The following GDAP1 variants were observed in gnomAD, a reference collection of about 807,000 sequenced individuals.
GDAP1 encodes the protein ganglioside induced differentiation associated protein 1.
Under a neutral mutation model 40.1 loss-of-function variants are expected in GDAP1, and 34 were observed. The ratio of observed to expected loss-of-function variants is 0.85; its 90% confidence interval spans 0.64 to 1.13. The LOEUF (loss-of-function observed/expected upper bound fraction) is 1.13. Among genes scored for constraint, GDAP1 ranks in the 50% most tolerant of loss-of-function variants. The pLI is 0.00. For synonymous variants in GDAP1, 170 were observed against 157.4 expected, an observed-to-expected ratio of 1.08 and a Z score of -0.60; for missense variants, 374 against 433.7, an observed-to-expected ratio of 0.86 and a Z score of 1.22.
chr8:74,438,141 G>A (rs949353721), intron 2 of GDAP1, among the ~76,000 whole-genome samples: 5 of 152,080 alleles, frequency 3.3e-5, no homozygotes, highest in Non-Finnish European at 7.4e-5. Context: ...ATGGTGGCGC[G>A]CGCCTGTAGT....
intron 2 of GDAP1, among the ~76,000 whole-genome samples, chr8:74,403,622 A>G (rs7819394): frequency 0.48 from 71,811 of 149,856 alleles, 18,698 homozygotes; most frequent in East Asian, 0.6. Context: ...CAGTAAAAGT[A>G]TATGGATTAT....
intron 2 of GDAP1, among the ~76,000 whole-genome samples, chr8:74,358,983 C>A (rs73345382): frequency 6.6e-6 from 1 of 152,248 alleles, no homozygotes; most frequent in East Asian, 1.9e-4. Context: ...AGTTATTAGA[C>A]CTGACATTTT....
At chr8:74,370,090 A>C (rs1452019533), downstream of GDAP1, among the ~76,000 whole-genome samples, 3 of 152,246 alleles carry the variant, frequency 2.0e-5, no homozygotes, top group Non-Finnish European at 2.9e-5. Context: ...CCATTTTCAG[A>C]CTGATGGAGA....
intron 2 of GDAP1, among the ~76,000 whole-genome samples, chr8:74,378,167 C>G (rs1809890124): frequency 6.6e-6 from 1 of 152,196 alleles, no homozygotes; most frequent in South Asian, 2.1e-4. Flanking sequence ...GAAAGAAAAA[C>G]TGTGCTGGTC....
At chr8:74,425,050 A>G (rs895746365) in intron 2 of GDAP1, among the ~76,000 whole-genome samples, 3 of 152,216 alleles carry the variant, frequency 2.0e-5, no homozygotes, top group African/African-American at 7.2e-5. Context: ...TACTCACAGC[A>G]GCTGCAGTAT....
intron 4 of GDAP1, among the ~76,000 whole-genome samples, chr8:74,362,437 A>G (rs745754712): frequency 6.6e-6 from 1 of 152,142 alleles, no homozygotes; most frequent in Non-Finnish European, 1.5e-5. Flanking sequence ...AGAAAACAGC[A>G]GCACTCCCAA....
downstream of GDAP1, among the ~76,000 whole-genome samples, chr8:74,371,568 G>A (rs1586812152): frequency 6.6e-6 from 1 of 151,716 alleles, no homozygotes; most frequent in East Asian, 1.9e-4. Flanking sequence ...GCTGAGGCAG[G>A]AGAATGGCGT....
chr8:74,362,883 A>AT, intron 4 of GDAP1, 56 bp from the exon 5 acceptor site: 13 of 720,906 alleles, frequency 1.8e-5, no homozygotes, highest in South Asian at 4.1e-5. Context: ...ACCTAGATTT[A>AT]TTTTTTTTAA....
At chr8:74,387,232 TGA>T (rs1810038791) in intron 2 of GDAP1, among the ~76,000 whole-genome samples, 1 of 152,352 alleles carries the variant, frequency 6.6e-6, no homozygotes, top group African/African-American at 2.4e-5. Flanking sequence ...ATAGGAGTGG[TGA>T]GAGAGGGCAT....
At chr8:74,419,194 C>T (rs907562176) in intron 2 of GDAP1, among the ~76,000 whole-genome samples, 1 of 152,142 alleles carries the variant, frequency 6.6e-6, no homozygotes, top group Non-Finnish European at 1.5e-5. Flanking sequence ...TGTAGAGAAA[C>T]AAAAACTTGT....
At chr8:74,440,702 T>C (rs1016190387) in intron 2 of GDAP1, among the ~76,000 whole-genome samples, 1 of 152,084 alleles carries the variant, frequency 6.6e-6, no homozygotes, top group African/African-American at 2.4e-5. Context: ...GCCTGCTACA[T>C]TGCTGGAGCA....
intron 2 of GDAP1, among the ~76,000 whole-genome samples, chr8:74,405,348 A>G (rs1411670679): frequency 6.7e-6 from 1 of 150,304 alleles, no homozygotes; most frequent in Non-Finnish European, 1.5e-5. Context: ...CAGTCAAACC[A>G]TATCATTATG....
At chr8:74,443,759 C>G (rs1436718736) in intron 2 of GDAP1, among the ~76,000 whole-genome samples, 2 of 152,114 alleles carry the variant, frequency 1.3e-5, no homozygotes, top group Admixed American at 6.5e-5. Flanking sequence ...GGGAGGCTTC[C>G]TTAGTCATTC....
At chr8:74,376,596 G>A (rs74903266) in intron 2 of GDAP1, 27,375 of 152,182 alleles carry the variant, frequency 0.18, 2,762 homozygotes, top group Admixed American at 0.3. Flanking sequence ...TGATCTGCCC[G>A]CCTTGGCCTC....
chr8:74,359,197 G>A (rs1190557380), intron 2 of GDAP1, among the ~76,000 whole-genome samples: 2 of 152,188 alleles, frequency 1.3e-5, no homozygotes, highest in Non-Finnish European at 2.9e-5. Flanking sequence ...AATTAGCTGT[G>A]GGATCTTGGG....
At position 74,360,147 on chromosome 8, in the gene GDAP1, C is replaced by T. The variant is rs1809285196; in HGVS notation, c.321C>T (p.Pro107=). The T allele has an allele frequency of 1.2e-6, 2 of 1,611,886 alleles. No individual in the cohort carries two copies. Among genetic ancestry groups the T allele is most frequent in the African/African-American group, 1.3e-5 (1 of 74,836 alleles). The change falls in exon 3 of 6, where the codon CCC becomes CCT. Residue 107 remains proline, a synonymous_variant. Coordinates refer to ENST00000220822, the MANE Select transcript of GDAP1 (RefSeq NM_018972.4). The part of the protein sequence containing the change: ...LEQTFLDERT[P]RLMPDKESMY... ...GTGTGTGTATTTTAGAAAGAACACCCAGGTTAATGCCTGATAAAGAAAGCA... is the reference window on the plus strand; with the variant it reads ...GTGTGTGTATTTTAGAAAGAACACCTAGGTTAATGCCTGATAAAGAAAGCA...
At chr8:74,458,307 T>G (rs1351592333) in intron 2 of GDAP1, among the ~76,000 whole-genome samples, 1 of 152,118 alleles carries the variant, frequency 6.6e-6, no homozygotes, top group Non-Finnish European at 1.5e-5. Context: ...TTCTTTAAGC[T>G]ATGAGTAAAT....
At chr8:74,397,155 T>G (rs187521468) in intron 2 of GDAP1, among the ~76,000 whole-genome samples, 2 of 152,250 alleles carry the variant, frequency 1.3e-5, no homozygotes, top group African/African-American at 4.8e-5. Flanking sequence ...AAAAGTCTTC[T>G]CTTGAGAAGT....
intron 2 of GDAP1, among the ~76,000 whole-genome samples, chr8:74,390,883 G>A (rs2131542922): frequency 6.6e-6 from 1 of 152,338 alleles, no homozygotes; most frequent in South Asian, 2.1e-4. Flanking sequence ...GCCCTGCCCA[G>A]AGAGGAGGAA....
Sources: gnomAD v4.1 joint callset for allele counts (sites outside exome capture counted in the v4.1 genomes callset) on GRCh38, gnomAD v4.1.1 for gene constraint, MANE v1.5 for transcripts, NCBI Gene and HGNC (gene_info 2026-07-23, HGNC 2026-07-21) for gene names.